HNRNPD: variants seen among roughly 807,000 people sequenced by gnomAD.
HNRNPD encodes heterogeneous nuclear ribonucleoprotein D0.
A neutral mutation model predicts 47.9 loss-of-function variants in HNRNPD; 3 were observed. The ratio of observed to expected loss-of-function variants is 0.06; its 90% CI spans 0.03 to 0.16. HNRNPD has a LOEUF of 0.16. Among genes scored for constraint, HNRNPD ranks in the 10% least tolerant of loss-of-function variants. HNRNPD has a pLI of 1.00. For missense variants in HNRNPD, 287 were observed against 454.2 expected, an observed-to-expected ratio of 0.63 and a Z score of 3.35; for synonymous variants, 171 against 165.1, an observed-to-expected ratio of 1.04 and a Z score of -0.28.
In HNRNPD at chr4:82,352,749, C is replaced by G. The variant is rs1185257378; in HGVS notation, c.*1436G>C. ...TAAACAAATGAGCATAGCTGGGTTGCAATCTTATAAAAACAGGACACAGGT... is the reference window on the plus strand; with the variant it reads ...TAAACAAATGAGCATAGCTGGGTTGGAATCTTATAAAAACAGGACACAGGT... On this transcript the variant is annotated 3_prime_UTR_variant, in exon 9 of 9. Transcript: ENST00000313899. 2.0e-5 allele frequency: 3 copies of G among 152,132 alleles called. No individual in the cohort carries two copies. The East Asian group carries it at 5.8e-4, about 29-fold the overall frequency. 9.4% of individuals were successfully genotyped at this position (152,132 alleles called of 1,614,324 possible).
At chr4:82,355,498 A>AC in intron 7 of HNRNPD, 97 bp from the exon 8 acceptor site, 1 of 851,066 alleles carries the variant, frequency 1.2e-6, no homozygotes, top group Non-Finnish European at 1.9e-6. Context: ...AATTAAGGGT[A>AC]GCTTAATTCC....
intron 4 of HNRNPD, chr4:82,357,677 G>A (rs1227678045): frequency 3.0e-6 from 1 of 330,984 alleles, no homozygotes. Flanking sequence ...ACCACGCACT[G>A]ACATTTACTA....
At chr4:82,372,011 C>G (rs1720069292) in intron 1 of HNRNPD, among the ~76,000 whole-genome samples, 1 of 152,114 alleles carries the variant, frequency 6.6e-6, no homozygotes, top group South Asian at 2.1e-4. Context: ...ACCCTATATT[C>G]CAAAGTGCTT....
rs2109988043 is a variant in HNRNPD, at chr4:82,355,417, T to C, written c.1001-16A>G. 3 of 1,597,494 alleles carry C rather than the reference T, an allele frequency of 1.9e-6. No homozygotes were observed. ...CTCTGCTGGTCTAAAATAAAACAAG[T>C]GTTAGAACCAGAACGGTAGTGGTTA... On this transcript the variant is annotated splice_polypyrimidine_tract_variant and intron_variant, in intron 7 of 8. Transcript: ENST00000313899.
In HNRNPD at chr4:82,357,625, T is replaced by C. The variant is rs1820577; in HGVS notation, c.622-181A>G. 0.19 allele frequency: 93,057 copies of C among 497,866 alleles called. 10,092 individuals are homozygous for C. Among genetic ancestry groups the C allele is most frequent in the Non-Finnish European group, 0.22 (64,734 of 288,644 alleles). 30.8% of individuals were successfully genotyped at this position (497,866 alleles called of 1,614,324 possible). On this transcript the variant is annotated intron_variant, in intron 4 of 8. Transcript: ENST00000313899. The stretch of plus-strand genomic sequence containing the variant: ...GGAATTCTTCAAATTAGAACACCCA[T>C]TCCATCTAAGGTCTTCACAACTATT...
At chr4:82,365,498 T>C (rs1719704031) in intron 2 of HNRNPD, among the ~76,000 whole-genome samples, 1 of 152,030 alleles carries the variant, frequency 6.6e-6, no homozygotes, top group African/African-American at 2.4e-5. Context: ...TATCACACGT[T>C]AGGGTATTTT....
chr4:82,357,860 T>C, intron 4 of HNRNPD: 1 of 153,920 alleles, frequency 6.5e-6, no homozygotes, highest in Admixed American at 6.5e-5. Flanking sequence ...CTACTCAGTT[T>C]GAGAGATGCT....
At chr4:82,356,194 T>C (rs764967383) in intron 7 of HNRNPD, 10 of 192,494 alleles carry the variant, frequency 5.2e-5, no homozygotes, top group Non-Finnish European at 9.5e-5. Context: ...TTCAGTTTTA[T>C]AGGATTAAGA....
chr4:82,357,643 C>G (rs1400881053), intron 4 of HNRNPD, 199 bp from the exon 5 acceptor site: 8 of 409,200 alleles, frequency 2.0e-5, no homozygotes, highest in Admixed American at 1.2e-4. Flanking sequence ...AAGGTCTTCA[C>G]AACTATTTAC....
chr4:82,373,376 A>T, intron 1 of HNRNPD, 70 bp downstream of exon 1: 1 of 1,512,710 alleles, frequency 6.6e-7, no homozygotes, highest in Admixed American at 2.1e-5. Flanking sequence ...AACCAGGCCT[A>T]ATGGCGGGGG....
chr4:82,369,883 CTG>C (rs887919289), intron 2 of HNRNPD, among the ~76,000 whole-genome samples: 2 of 152,208 alleles, frequency 1.3e-5, no homozygotes, highest in Non-Finnish European at 2.9e-5. Flanking sequence ...TGGCTCACGC[CTG>C]TGATTACAGC....
rs1720278568 is a variant in HNRNPD, at chr4:82,373,794, A to T, written c.-116T>A. The T allele has an allele frequency of 1.3e-6, 2 of 1,518,776 alleles. No individual in the cohort carries two copies. The highest frequency in any genetic ancestry group is 2.0e-5 in the Admixed American group (1 of 50,070). The allele number at this position is 1,518,776 out of a possible 1,614,324, so 94.1% of individuals were successfully genotyped here. A position where few individuals can be genotyped will look rare whatever the true frequency, so the allele number is the denominator to read the frequency against. On this transcript the variant is annotated 5_prime_UTR_variant, in exon 1 of 9. Transcript: ENST00000313899. ...GCGCCCGCTCTACCTCGCGAAGCAC[A>T]CAAGACAGGGAAGGCGCGCGCGTGG...
rs1311875656 is a variant in HNRNPD at position 82,373,473 on chromosome 4, T to C, written c.206A>G (p.Asp69Gly). Residue 69 changes from aspartate (D) to glycine (G), a missense_variant, in exon 1 of 9, where the codon GAC becomes GGC. Transcript: ENST00000313899. ...GSAESEGAKI[D>G]ASKNEEDEGH... is the part of the protein sequence containing the mutation. ...TTCATCCTCCTCGTTCTTACTGGCG[T>C]CAATCTTCGCCCCCTCCGACTCGGC... is the stretch of plus-strand genomic sequence containing the variant. 1 of 1,563,922 alleles carries C rather than the reference T, an allele frequency of 6.4e-7. No individual in the cohort carries two copies. Among genetic ancestry groups the C allele is most frequent in the South Asian group, 1.2e-5 (1 of 85,246 alleles).
intron 2 of HNRNPD, among the ~76,000 whole-genome samples, chr4:82,360,845 T>C (rs1022023756): frequency 1.3e-5 from 2 of 152,202 alleles, no homozygotes; most frequent in African/African-American, 2.4e-5. Flanking sequence ...CCAAGATACC[T>C]GATTAACTGA....
At chr4:82,359,385 A>G in intron 3 of HNRNPD, 86 bp downstream of exon 3, 1 of 954,856 alleles carries the variant, frequency 1.0e-6, no homozygotes, top group Middle Eastern at 2.9e-4. Flanking sequence ...AAAATGGGGA[A>G]CCACAAATAG....
chr4:82,359,191 A>C (rs1007762881), intron 3 of HNRNPD, among the ~76,000 whole-genome samples: 7 of 152,196 alleles, frequency 4.6e-5, no homozygotes, highest in African/African-American at 1.7e-4. Flanking sequence ...CAAAATATGG[A>C]CTTCTGTGAA....
At chr4:82,356,288 T>A (rs1723708845) in intron 7 of HNRNPD, 1 of 397,720 alleles carries the variant, frequency 2.5e-6, no homozygotes, top group South Asian at 6.0e-5. Flanking sequence ...GAGCTTAAAA[T>A]TTTTAAATCC....
Position 82,358,707 on chromosome 4 carries a change from T to C in HNRNPD, c.573A>G (p.Pro191=), listed in dbSNP as rs758982354. The change falls in exon 4 of 9, where the codon CCA becomes CCG. Residue 191 remains proline, a synonymous_variant. Transcript: ENST00000313899. ...CCCTTATTTTCTCTTCAGGTGTATC[T>C]GGAGAAAGGCCACCAACAAAAATTT... ...VKKIFVGGLS[P]DTPEEKIREY... The C allele has an allele frequency of 6.2e-7, 1 of 1,612,464 alleles. No individual in the cohort carries two copies. The highest frequency in any genetic ancestry group is 1.7e-5 in the Admixed American group (1 of 59,976).
At chr4:82,367,184 C>A (rs944352767) in intron 2 of HNRNPD, among the ~76,000 whole-genome samples, 18 of 152,104 alleles carry the variant, frequency 1.2e-4, no homozygotes, top group Non-Finnish European at 1.8e-4. Context: ...AATGCTTAAT[C>A]CAATACCTCC....
Sources: gnomAD v4.1 joint callset for allele counts (sites outside exome capture counted in the v4.1 genomes callset) on GRCh38, gnomAD v4.1.1 for gene constraint, MANE v1.5 for transcripts, NCBI Gene and HGNC (gene_info 2026-07-23, HGNC 2026-07-21) for gene names.